GRIK1: variants seen among roughly 807,000 people sequenced by gnomAD.
GRIK1 encodes glutamate ionotropic receptor kainate type subunit 1, also known as glutamate receptor ionotropic, kainate 1.
GRIK1 carries 69 observed loss-of-function variants against 105.7 expected under a neutral mutation model. The ratio of observed to expected loss-of-function variants is 0.65; its 90% CI spans 0.54 to 0.80. GRIK1 has a LOEUF of 0.80. Ranked by LOEUF, GRIK1 falls within the 30% of genes least tolerant of loss-of-function variation. GRIK1 has a pLI of 0.00. For synonymous variants in GRIK1, 438 were observed against 431.3 expected, an observed-to-expected ratio of 1.02 and a Z score of -0.19; for missense variants, 1,109 against 1,167.3, an observed-to-expected ratio of 0.95 and a Z score of 0.73.
intron 7 of GRIK1, among the ~76,000 whole-genome samples, chr21:29,612,406 G>T (rs190445805): frequency 1.3e-5 from 2 of 152,270 alleles, no homozygotes; most frequent in East Asian, 3.9e-4. Context: ...ATTACCATAA[G>T]TGTGGGTGAC....
intron 1 of GRIK1, among the ~76,000 whole-genome samples, chr21:29,843,916 T>C (rs1427296200): frequency 2.6e-5 from 4 of 152,158 alleles, no homozygotes; most frequent in Non-Finnish European, 5.9e-5. Flanking sequence ...AGACTCCTAC[T>C]TGGAGGGCAG....
chr21:29,797,076 A>G (rs569420615), intron 1 of GRIK1, among the ~76,000 whole-genome samples: 11 of 152,270 alleles, frequency 7.2e-5, no homozygotes, highest in African/African-American at 2.6e-4. Flanking sequence ...AAACTTTCCT[A>G]TTATCAGGAA....
intron 5 of GRIK1, among the ~76,000 whole-genome samples, chr21:29,652,870 C>T (rs915569976): frequency 5.3e-5 from 8 of 152,154 alleles, no homozygotes; most frequent in South Asian, 2.1e-4. Context: ...TTTGCATTTG[C>T]GGAAGATGCA....
Position 29,555,105 on chromosome 21 carries a change from CA to C in GRIK1, c.2553del (p.Phe851LeufsTer2), listed in dbSNP as rs760644013. 2 of 1,612,402 alleles carry C rather than the reference CA, an allele frequency of 1.2e-6. No homozygotes were observed. The highest frequency in any genetic ancestry group is 1.7e-5 in the Admixed American group (1 of 59,994). ...TTGTATATGAATTCTCCAATAGCTA[CA>C]AATACAGAAAGGACCAGTCCGGCAG... ...VLAAGLVLSV[F>X]VAIGEFIYKS... On this transcript the variant is annotated frameshift_variant, in exon 16 of 18. Coordinates refer to ENST00000327783, the MANE Select transcript of GRIK1 (RefSeq NM_001330994.2). LOFTEE classifies it high-confidence loss of function.
intron 6 of GRIK1, among the ~76,000 whole-genome samples, chr21:29,648,461 T>G (rs1409410206): frequency 6.6e-6 from 1 of 152,256 alleles, no homozygotes; most frequent in Non-Finnish European, 1.5e-5. Flanking sequence ...CAAGGCTGCC[T>G]AAATATTTTT....
intron 1 of GRIK1, among the ~76,000 whole-genome samples, chr21:29,791,142 T>C (rs998921835): frequency 6.6e-6 from 1 of 152,088 alleles, no homozygotes; most frequent in African/African-American, 2.4e-5. Flanking sequence ...TGGAGTATGG[T>C]GTGAGCTCTG....
At chr21:29,681,466 C>T (rs1432807952) in intron 3 of GRIK1, among the ~76,000 whole-genome samples, 2 of 152,242 alleles carry the variant, frequency 1.3e-5, no homozygotes, top group Non-Finnish European at 2.9e-5. Flanking sequence ...GGCACACTCT[C>T]ACCTGAGACA....
At chr21:29,632,657 A>C (rs1383522615) in intron 7 of GRIK1, among the ~76,000 whole-genome samples, 1 of 114,520 alleles carries the variant, frequency 8.7e-6, no homozygotes, top group African/African-American at 3.5e-5. Flanking sequence ...ACATACACAC[A>C]TATATCACAG....
chr21:29,872,792 A>G (rs997847684), intron 1 of GRIK1, among the ~76,000 whole-genome samples: 2 of 152,172 alleles, frequency 1.3e-5, no homozygotes, highest in Non-Finnish European at 2.9e-5. Context: ...TATCATGAGA[A>G]CAGCATGGGA....
rs115645189 is a variant in GRIK1, at chr21:29,662,119, G to A, written c.727-7256C>T. Among the ~76,000 whole-genome samples, 574 of 152,286 alleles carry A rather than the reference G, an allele frequency of 3.8e-3. 4 individuals carry two copies. Among genetic ancestry groups the A allele is most frequent in the African/African-American group, 0.013 (549 of 41,556 alleles). On this transcript the variant is annotated intron_variant, in intron 4 of 17. Transcript: ENST00000327783. ...TATAAGCTTCTCTCCTTAGAGGTAT[G>A]GTCTGCAGGAGAAAGGAAGCTCATA...
At chr21:29,900,000 A>G (rs986289606) in intron 1 of GRIK1, among the ~76,000 whole-genome samples, 3 of 151,940 alleles carry the variant, frequency 2.0e-5, no homozygotes, top group Admixed American at 6.6e-5. Context: ...CATGATAAAT[A>G]CATTTTCTAT....
intron 1 of GRIK1, among the ~76,000 whole-genome samples, chr21:29,774,464 T>TC (rs1255637249): frequency 3.3e-5 from 5 of 149,434 alleles, no homozygotes. Context: ...TTTTTTTTTT[T>TC]TTTCTGAGAC....
At chr21:29,937,127 C>T (rs778130873) in intron 1 of GRIK1, among the ~76,000 whole-genome samples, 34 of 152,286 alleles carry the variant, frequency 2.2e-4, no homozygotes, top group Non-Finnish European at 1.0e-4. Context: ...GGCTTAGTCC[C>T]CAACCCCTTT....
At chr21:29,854,749 G>A (rs1174670287) in intron 1 of GRIK1, among the ~76,000 whole-genome samples, 2 of 152,206 alleles carry the variant, frequency 1.3e-5, no homozygotes, top group Non-Finnish European at 2.9e-5. Context: ...GATCCGGGGA[G>A]TGATGTCATT....
chr21:29,566,489 A>G (rs2090613118), intron 14 of GRIK1, among the ~76,000 whole-genome samples: 1 of 152,222 alleles, frequency 6.6e-6, no homozygotes, highest in African/African-American at 2.4e-5. Flanking sequence ...TTGTTGGCAA[A>G]GAATAGCATT....
chr21:29,877,548 T>C (rs1050185631), intron 1 of GRIK1, among the ~76,000 whole-genome samples: 1 of 152,182 alleles, frequency 6.6e-6, no homozygotes, highest in African/African-American at 2.4e-5. Context: ...GATCACAAAG[T>C]ATCTCATGCT....
intron 3 of GRIK1, among the ~76,000 whole-genome samples, chr21:29,674,191 CA>C (rs2063218937): frequency 6.6e-6 from 1 of 151,072 alleles, no homozygotes; most frequent in African/African-American, 2.4e-5. Context: ...ATGCTCTGTG[CA>C]AGATTCAGCA....
intron 1 of GRIK1, among the ~76,000 whole-genome samples, chr21:29,899,592 A>G (rs529666508): frequency 6.6e-6 from 1 of 151,884 alleles, no homozygotes; most frequent in South Asian, 2.1e-4. Flanking sequence ...ATATTTATAA[A>G]CCACTCCCAG....
At chr21:29,826,647 A>ATG (rs377606068) in intron 1 of GRIK1, among the ~76,000 whole-genome samples, 1,939 of 151,340 alleles carry the variant, frequency 0.013, 39 homozygotes, top group African/African-American at 0.042. Context: ...TTTACATAGC[A>ATG]TGTGTGTGTG....
Sources: allele counts gnomAD v4.1 joint callset (sites outside exome capture counted in the v4.1 genomes callset), GRCh38; gene constraint gnomAD v4.1.1; transcripts MANE v1.5; gene names NCBI Gene and HGNC (gene_info 2026-07-23, HGNC 2026-07-21).